Variants in RBFOX3 observed in about 807,000 individuals in gnomAD.
The protein encoded by RBFOX3 is RNA binding protein fox-1 homolog 3.
In RBFOX3, 17 loss-of-function variants were observed where a neutral mutation model predicts 48.7. The observed-to-expected ratio is 0.35, with a 90% CI of 0.24 to 0.52. The LOEUF is 0.52. RBFOX3 is among the 20% of genes least tolerant of loss of function. The pLI, the probability that RBFOX3 is intolerant of heterozygous loss-of-function variation, is 0.94. For missense variants in RBFOX3, 382 were observed against 497.5 expected, an observed-to-expected ratio of 0.77 and a Z score of 2.21; for synonymous variants, 212 against 209.5, an observed-to-expected ratio of 1.01 and a Z score of -0.10.
At position 79,446,757 on chromosome 17, in the gene RBFOX3, T is replaced by C. The variant is rs374113128; in HGVS notation, c.-175+35697A>G. Among the ~76,000 whole-genome samples, 479 of 113,378 alleles carry C rather than the reference T, an allele frequency of 4.2e-3. 3 individuals carry two copies. The highest frequency in any genetic ancestry group is 0.011 in the African/African-American group (443 of 38,724). The allele number at this position is 113,378 out of a possible 152,430, so 74.4% of individuals were successfully genotyped here. A position where few individuals can be genotyped will look rare whatever the true frequency, so the allele number is the denominator to read the frequency against. ...GCTGCCGCTCTCAGCACACGGCCTATGGGGCAGCCCTGCTCTGCAGGGGCA... is the reference window on the plus strand; with the variant it reads ...GCTGCCGCTCTCAGCACACGGCCTACGGGGCAGCCCTGCTCTGCAGGGGCA... On this transcript the variant is annotated intron_variant, in intron 2 of 14. Coordinates refer to ENST00000693108, the MANE Select transcript of RBFOX3 (RefSeq NM_001350451.2).
intron 3 of RBFOX3, among the ~76,000 whole-genome samples, chr17:79,272,499 C>T (rs9916850): frequency 0.6 from 91,209 of 152,084 alleles, 28,164 homozygotes; most frequent in East Asian, 0.8. Flanking sequence ...CACAGGCTGC[C>T]GGCCGGCCTG....
intron 2 of RBFOX3, among the ~76,000 whole-genome samples, chr17:79,317,046 G>T (rs1209916322): frequency 6.6e-6 from 1 of 152,122 alleles, no homozygotes; most frequent in African/African-American, 2.4e-5. Context: ...TTCAAAGAAA[G>T]GAGCTGACCC....
intron 4 of RBFOX3, among the ~76,000 whole-genome samples, chr17:79,145,278 C>T (rs7211056): frequency 0.47 from 71,578 of 152,062 alleles, 17,706 homozygotes; most frequent in Non-Finnish European, 0.55. Flanking sequence ...GAGATTCTGA[C>T]TCAGTGGTAT....
intron 3 of RBFOX3, among the ~76,000 whole-genome samples, chr17:79,269,370 G>A (rs2067270685): frequency 6.6e-6 from 1 of 152,116 alleles, no homozygotes; most frequent in South Asian, 2.1e-4. Context: ...GTGGCCCCAG[G>A]AAACTCACAC....
At chr17:79,493,140 C>A (rs1407929981) in intron 1 of RBFOX3, among the ~76,000 whole-genome samples, 4 of 151,846 alleles carry the variant, frequency 2.6e-5, no homozygotes, top group Non-Finnish European at 4.4e-5. Context: ...AGGGAGGAGG[C>A]GTATCACACG....
rs1598870061 is a variant in RBFOX3 at position 79,477,983 on chromosome 17, T to C, written c.-175+4471A>G. Among the ~76,000 whole-genome samples the C allele has an allele frequency of 2.6e-5, 4 of 152,288 alleles. No homozygotes were observed. In the South Asian group the frequency reaches 8.3e-4, roughly 32 times the overall value. The stretch of plus-strand genomic sequence containing the variant: ...CTAGGACGAGCTCCTGCAAAAGGAA[T>C]GCATTCACTGCAAGCCTGGGAGCAA... On this transcript the variant is annotated intron_variant, in intron 2 of 14. Transcript: ENST00000693108. This position sits in a 1 kb window ranked among gnomAD's most constrained non-coding sequence, Gnocchi z 4.8.
intron 2 of RBFOX3, among the ~76,000 whole-genome samples, chr17:79,374,934 C>T (rs1368793969): frequency 6.6e-6 from 1 of 152,146 alleles, no homozygotes; most frequent in East Asian, 1.9e-4. Flanking sequence ...CTTCCCAGAG[C>T]CCCAAGCTGC....
intron 1 of RBFOX3, among the ~76,000 whole-genome samples, chr17:79,572,339 C>T (rs901401342): frequency 3.9e-5 from 6 of 152,200 alleles, no homozygotes; most frequent in Non-Finnish European, 7.4e-5. Context: ...CTTGGGGCAC[C>T]TGGAGTGGCT....
intron 4 of RBFOX3, among the ~76,000 whole-genome samples, chr17:79,230,513 C>T (rs2060904557): frequency 6.6e-6 from 1 of 151,966 alleles, no homozygotes; most frequent in South Asian, 2.1e-4. Context: ...CCCGCCTCGG[C>T]CTCCCAAAGT....
intron 1 of RBFOX3, among the ~76,000 whole-genome samples, chr17:79,553,794 G>A (rs2091368710): frequency 6.6e-6 from 1 of 152,080 alleles, no homozygotes; most frequent in Non-Finnish European, 1.5e-5. Context: ...GTGCAGTGGT[G>A]CGATCTTGGC....
intron 4 of RBFOX3, among the ~76,000 whole-genome samples, chr17:79,179,435 T>C (rs1236291735): frequency 6.6e-6 from 1 of 152,148 alleles, no homozygotes; most frequent in African/African-American, 2.4e-5. Flanking sequence ...GATTTCACCT[T>C]GATTGAGCAC....
At chr17:79,388,298 T>G (rs1224499866) in intron 2 of RBFOX3, among the ~76,000 whole-genome samples, 1 of 151,148 alleles carries the variant, frequency 6.6e-6, no homozygotes, top group Non-Finnish European at 1.5e-5. Flanking sequence ...GAACAAGGAG[T>G]TGGGCCCTTC....
At position 79,377,529 on chromosome 17, in the gene RBFOX3, G is replaced by A. The variant is rs147788412; in HGVS notation, c.-174-69705C>T. Among the ~76,000 whole-genome samples, 425 of 152,298 alleles carry A rather than the reference G, an allele frequency of 2.8e-3. 1 individual carries two copies. Among genetic ancestry groups the A allele is most frequent in the African/African-American group, 8.2e-3 (340 of 41,564 alleles). The stretch of plus-strand genomic sequence containing the variant: ...GTGACATCCTCCTGACAGCTCCATC[G>A]CACCCATGCTGTAGGTGCGGCGGCC... On this transcript the variant is annotated intron_variant, in intron 2 of 14. Transcript: ENST00000693108.
intron 2 of RBFOX3, among the ~76,000 whole-genome samples, chr17:79,381,061 A>G (rs940891089): frequency 3.9e-5 from 6 of 152,176 alleles, no homozygotes; most frequent in African/African-American, 1.4e-4. Context: ...GGAGATCAAG[A>G]CCATCCTAAC....
At chr17:79,259,588 C>A (rs2065409066) in intron 3 of RBFOX3, among the ~76,000 whole-genome samples, 1 of 152,312 alleles carries the variant, frequency 6.6e-6, no homozygotes, top group African/African-American at 2.4e-5. Flanking sequence ...ATGGCGTTGC[C>A]TGGGACCGCA....
the RBFOX3 span, among the ~76,000 whole-genome samples, chr17:79,659,766 C>T: frequency 6.6e-6 from 1 of 152,164 alleles, no homozygotes; most frequent in Non-Finnish European, 1.5e-5. Context: ...TCAGAGTGGA[C>T]AATCCAGGCA....
chr17:79,498,622 C>A (rs573574773), intron 1 of RBFOX3, among the ~76,000 whole-genome samples: 1 of 151,660 alleles, frequency 6.6e-6, no homozygotes, highest in South Asian at 2.1e-4. Flanking sequence ...ATCTATCCAT[C>A]CATCCATCCA....
intron 2 of RBFOX3, among the ~76,000 whole-genome samples, chr17:79,342,001 G>A (rs1430461548): frequency 5.9e-5 from 9 of 152,246 alleles, no homozygotes; most frequent in African/African-American, 2.2e-4. Context: ...CTCCATGGCT[G>A]GCCCCCTCCC....
intron 2 of RBFOX3, among the ~76,000 whole-genome samples, chr17:79,343,929 A>G (rs2082478022): frequency 1.3e-5 from 2 of 152,184 alleles, no homozygotes; most frequent in African/African-American, 4.8e-5. Flanking sequence ...GGTCGGCTGC[A>G]TGCACAGGAC....
Sources: gnomAD v4.1 joint callset for allele counts (sites outside exome capture counted in the v4.1 genomes callset) on GRCh38, gnomAD v4.1.1 for gene constraint, Gnocchi (gnomAD v3.1) non-coding constraint, MANE v1.5 for transcripts, NCBI Gene and HGNC (gene_info 2026-07-23, HGNC 2026-07-21) for gene names.